The following GAK variants were observed in gnomAD, a reference collection of about 807,000 sequenced individuals.
The protein encoded by GAK is cyclin G associated kinase.
GAK carries 79 observed loss-of-function variants against 143.9 expected under a neutral mutation model. The ratio of observed to expected loss-of-function variants is 0.55; its 90% CI spans 0.46 to 0.66. The LOEUF (loss-of-function observed/expected upper bound fraction) is 0.66. Ranked by LOEUF, GAK falls within the 30% of genes least tolerant of loss-of-function variation. The pLI, the probability that GAK is intolerant of heterozygous loss-of-function variation, is 0.00. For synonymous variants in GAK, 881 were observed against 765.5 expected, an observed-to-expected ratio of 1.15 and a Z score of -2.49; for missense variants, 1,693 against 1,779.7, an observed-to-expected ratio of 0.95 and a Z score of 0.88.
intron 24 of GAK, 168 bp downstream of exon 24, chr4:859,437 TG>T (rs762950020): frequency 1.3e-6 from 2 of 1,580,734 alleles, no homozygotes; most frequent in East Asian, 2.3e-5. Context: ...GGCAGTCGCC[TG>T]GAACAGGTGC....
chr4:920,539 A>ATTTTTTTTTTTTTTTTTTTTT lies in GAK; in HGVS notation c.146-6892_146-6872dup, dbSNP rs34176109. On this transcript the variant is annotated intron_variant, in intron 1 of 27. Transcript: ENST00000314167. ...AAAATTGTGAAAAAGGTTTAGAGCC[A>ATTTTTTTTTTTTTTTTTTTTT]TTTTTTTTTTTTTTTTTTTTTTGAG... Among the ~76,000 whole-genome samples, 6 of 129,598 alleles carry ATTTTTTTTTTTTTTTTTTTTT rather than the reference A, an allele frequency of 4.6e-5. 1 individual carries two copies. In the East Asian group the frequency reaches 7.1e-4, roughly 15 times the overall value. The allele number at this position is 129,598 out of a possible 152,430, so 85.0% of individuals were successfully genotyped here.
intron 4 of GAK, among the ~76,000 whole-genome samples, chr4:906,457 G>C (rs147317226): frequency 2.6e-5 from 4 of 152,230 alleles, no homozygotes; most frequent in Admixed American, 1.3e-4. Context: ...ATGTGGGGCC[G>C]GGGCAGCACG....
In GAK at chr4:876,663, G is replaced by A. The variant is rs1461043472; in HGVS notation, c.1975-54C>T. ...CGTGGAGGGTGAATCCAGATCCTGG[G>A]GCCACAGGCCAATTTTTCCCAATGG... On this transcript the variant is annotated intron_variant, in intron 17 of 27. Coordinates refer to ENST00000314167, the MANE Select transcript of GAK (RefSeq NM_005255.4). The A allele has an allele frequency of 3.3e-6, 5 of 1,509,510 alleles. No homozygotes were observed. In the African/African-American group the frequency reaches 6.9e-5, roughly 21 times the overall value. 93.5% of individuals were successfully genotyped at this position (1,509,510 alleles called of 1,614,324 possible). A position where few individuals can be genotyped will look rare whatever the true frequency, so the allele number is the denominator to read the frequency against.
intron 11 of GAK, chr4:885,685 G>A (rs904936624): frequency 1.2e-4 from 18 of 152,236 alleles, no homozygotes; most frequent in African/African-American, 4.3e-4. Context: ...GGGCAGCCAG[G>A]GGCTCATGGC....
At chr4:889,008 C>T (rs186489450) in intron 10 of GAK, 38 bp from the exon 11 acceptor site, 38 of 1,590,044 alleles carry the variant, frequency 2.4e-5, no homozygotes, top group African/African-American at 4.0e-5. Flanking sequence ...CCCAGGTGCT[C>T]GGTCCCACCT....
At chr4:893,253 C>T (rs1395405527) in intron 9 of GAK, 124 bp downstream of exon 9, 1 of 633,460 alleles carries the variant, frequency 1.6e-6, no homozygotes, top group Non-Finnish European at 2.6e-6. Context: ...ACGTGTGCCT[C>T]CCTCCCTTCT....
At chr4:854,985 A>G (rs937231849) in intron 24 of GAK, among the ~76,000 whole-genome samples, 18 of 152,216 alleles carry the variant, frequency 1.2e-4, no homozygotes, top group African/African-American at 3.9e-4. Flanking sequence ...GGGAACTTGC[A>G]GTGAGCCGAG....
At chr4:887,664 G>C (rs191071749) in intron 11 of GAK, 2 of 146,758 alleles carry the variant, frequency 1.4e-5, no homozygotes, top group Non-Finnish European at 3.0e-5. Flanking sequence ...ACAGGCACTC[G>C]CACACGTGTA....
chr4:890,532 C>T lies in GAK; in HGVS notation c.1081G>A (p.Gly361Ser), dbSNP rs1717422942. 1 of 1,605,088 alleles carries T rather than the reference C, an allele frequency of 6.2e-7. No homozygotes were observed. The highest frequency in any genetic ancestry group is 1.7e-5 in the Admixed American group (1 of 59,422). Residue 361 changes from glycine (G) to serine (S), a missense_variant and splice_region_variant, in exon 10 of 28, where the codon GGC (glycine) becomes AGC (serine). Physicochemically the swap from Gly to Ser is moderately conservative, Grantham distance 56 (BLOSUM62 0). Coordinates refer to ENST00000314167, the MANE Select transcript of GAK (RefSeq NM_005255.4). ...VGPAGSGYSG[G>S]LALAEYDQPY... ...GGCGGGCACAGGACAGGGCACTCAC[C>T]TCCACTGTAGCCACTGCCAGCGGGG... is the stretch of plus-strand genomic sequence containing the variant.
intron 4 of GAK, among the ~76,000 whole-genome samples, chr4:905,103 G>T (rs1000028500): frequency 2.6e-5 from 4 of 152,118 alleles, no homozygotes; most frequent in Middle Eastern, 3.2e-3. Context: ...GCTGATGGCG[G>T]GCTACCACTT....
In GAK at chr4:866,491, G is replaced by A; in HGVS notation, c.2916C>T (p.Ser972=). Residue 972 remains serine, a synonymous_variant, in exon 22 of 28, where the codon TCC becomes TCT. Transcript: ENST00000314167. ...AGAGATCAGGATTGGAGCAGGGCTG[G>A]GAGTTGTTGCCTGAAGACGGCAGAA... is the stretch of plus-strand genomic sequence containing the variant. ...GPLLPSSGNN[S]QPCSNPDLFG... is the part of the protein sequence containing the mutation. 3 of 1,614,066 alleles carry A rather than the reference G, an allele frequency of 1.9e-6. No individual in the cohort carries two copies. The highest frequency in any genetic ancestry group is 2.5e-6 in the Non-Finnish European group (3 of 1,179,978).
chr4:870,341 C>T (rs1237520450), intron 19 of GAK, among the ~76,000 whole-genome samples: 1 of 152,222 alleles, frequency 6.6e-6, no homozygotes, highest in Non-Finnish European at 1.5e-5. Flanking sequence ...GTTCCACATG[C>T]TGCCAGCAGG....
chr4:884,233 G>C, intron 11 of GAK, 147 bp from the exon 12 acceptor site: 1 of 648,746 alleles, frequency 1.5e-6, no homozygotes, highest in Non-Finnish European at 2.7e-6. Context: ...GTGTGCACAG[G>C]CGTGTGGGCA....
chr4:878,331 G>C (rs1714412017), intron 15 of GAK, among the ~76,000 whole-genome samples: 1 of 151,370 alleles, frequency 6.6e-6, no homozygotes, highest in Admixed American at 6.6e-5. Context: ...TGGAGATTTA[G>C]AGAGTTTTCC....
At chr4:903,190 T>C (rs1481842300) in intron 5 of GAK, among the ~76,000 whole-genome samples, 50 of 150,200 alleles carry the variant, frequency 3.3e-4, no homozygotes, top group African/African-American at 1.2e-3. Context: ...CCAGCCCCAG[T>C]CTAGAAGCAT....
chr4:865,179 A>G lies in GAK; in HGVS notation c.3109T>C (p.Trp1037Arg). 1 of 1,612,862 alleles carries G rather than the reference A, an allele frequency of 6.2e-7. No homozygotes were observed. The highest frequency in any genetic ancestry group is 2.2e-5 in the East Asian group (1 of 44,838). The change falls in exon 23 of 28, where the codon TGG (tryptophan) becomes CGG (arginine). Residue 1037 changes from tryptophan (W) to arginine (R), a missense_variant. By Grantham distance (101) the Trp-to-Arg change is moderately radical (BLOSUM62 -3). Around this residue, in one of 2 missense-constraint regions of GAK, gnomAD observed 822 missense variants for 788.7 expected, o/e 1.04. Coordinates refer to ENST00000314167, the MANE Select transcript of GAK (RefSeq NM_005255.4). ...GCTGCAGTCTCGGTCCAGGCAGCCC[A>G]TCCTCCCAGCAGGTCTGGGTTGCTG... ...SSSNPDLLGG[W>R]AAWTETAASA...
chr4:874,192 G>A (rs963489770), intron 18 of GAK, among the ~76,000 whole-genome samples: 3 of 152,152 alleles, frequency 2.0e-5, no homozygotes, highest in African/African-American at 7.2e-5. Context: ...CCTGCTGTCT[G>A]TGTGTGCGCA....
At position 882,817 on chromosome 4, in the gene GAK, G is replaced by A. The variant is rs1276785956; in HGVS notation, c.1407C>T (p.Val469=). The change falls in exon 14 of 28, where the codon GTC becomes GTT. Residue 469 remains valine, a splice_region_variant and synonymous_variant. Transcript: ENST00000314167. ...TYRPSRFHNR[V]SECGWAARRA... ...GCCGTGCTGCCCAGCCACACTCGGA[G>A]ACCTGTGGGGACAGGGCACGGTGGC... is the stretch of plus-strand genomic sequence containing the variant. The A allele has an allele frequency of 1.2e-6, 2 of 1,609,260 alleles. No homozygotes were observed. The highest frequency in any genetic ancestry group is 1.3e-5 in the African/African-American group (1 of 74,994).
At chr4:917,898 G>A (rs1180127627) in intron 1 of GAK, among the ~76,000 whole-genome samples, 1 of 152,186 alleles carries the variant, frequency 6.6e-6, no homozygotes, top group Non-Finnish European at 1.5e-5. Context: ...GAAAACAGAT[G>A]GCTCCACTGC....
Sources: allele counts gnomAD v4.1 joint callset (sites outside exome capture counted in the v4.1 genomes callset), GRCh38; gene constraint gnomAD v4.1.1; regional missense constraint gnomAD v4.1.1; transcripts MANE v1.5; gene names NCBI Gene and HGNC (gene_info 2026-07-23, HGNC 2026-07-21).